SMG6: variants seen among roughly 807,000 people sequenced by gnomAD.
SMG6 encodes SMG6 nonsense mediated mRNA decay factor.
SMG6 carries 66 observed loss-of-function variants against 142.2 expected under a neutral mutation model. The ratio of observed to expected loss-of-function variants is 0.46; its 90% CI spans 0.38 to 0.57. The LOEUF (loss-of-function observed/expected upper bound fraction) is 0.57. Among genes scored for constraint, SMG6 ranks in the 20% least tolerant of loss-of-function variants. The probability of loss-of-function intolerance (pLI) is 0.00; values close to 1 mark genes in which losing one functional copy is unlikely to be tolerated. For synonymous variants in SMG6, 779 were observed against 702.4 expected, an observed-to-expected ratio of 1.11 and a Z score of -1.72; for missense variants, 1,793 against 1,832.0, an observed-to-expected ratio of 0.98 and a Z score of 0.39.
chr17:2,065,436 GT>G lies in SMG6; in HGVS notation c.4047+31del, dbSNP rs758002933. ...GGAGACCTTGTTCTGGAAGCTGGCT[GT>G]GGGCTTTCCCTTCCTGCCACAGGGT... On this transcript the variant is annotated intron_variant, in intron 17 of 18. Coordinates refer to ENST00000263073, the MANE Select transcript of SMG6 (RefSeq NM_017575.5). 6 of 1,595,336 alleles carry G rather than the reference GT, an allele frequency of 3.8e-6. No individual in the cohort carries two copies. The East Asian group carries it at 1.3e-4, about 36-fold the overall frequency.
intron 10 of SMG6, among the ~76,000 whole-genome samples, chr17:2,206,776 T>C (rs1191634395): frequency 6.6e-6 from 1 of 151,618 alleles, no homozygotes; most frequent in Non-Finnish European, 1.5e-5. Flanking sequence ...TAATCCCAGC[T>C]ACTTGGAAGG....
chr17:2,251,256 G>A (rs1486638329), intron 8 of SMG6, among the ~76,000 whole-genome samples: 2 of 151,110 alleles, frequency 1.3e-5, no homozygotes, highest in Admixed American at 6.6e-5. Flanking sequence ...CCTCTTTCCA[G>A]GATATACAGA....
At chr17:2,212,880 G>C (rs910982809) in intron 10 of SMG6, 3 of 152,304 alleles carry the variant, frequency 2.0e-5, no homozygotes, top group African/African-American at 7.2e-5. Flanking sequence ...CATGACTCCA[G>C]TGGAATCTGC....
chr17:2,282,802 G>A lies in SMG6; in HGVS notation c.2506C>T (p.Arg836Trp), dbSNP rs149940409. 12 of 1,613,984 alleles carry A rather than the reference G, an allele frequency of 7.4e-6. No individual in the cohort carries two copies. The highest frequency in any genetic ancestry group is 3.3e-5 in the South Asian group (3 of 91,086). The change falls in exon 8 of 19, where the codon CGG (arginine) becomes TGG (tryptophan). Residue 836 changes from arginine to tryptophan, a missense_variant. Physicochemically the swap from Arg to Trp is moderately radical, Grantham distance 101. Coordinates refer to ENST00000263073, the MANE Select transcript of SMG6 (RefSeq NM_017575.5). ...EEFDLSPDQWRKGKKSTFRHV... is the reference protein window; with the variant it reads ...EEFDLSPDQWWKGKKSTFRHV... Reference sequence around the variant, plus strand: ...CGGAAAGTAGACTTCTTTCCTTTCCGCCACTGGTCAGGGCTCAGGTCAAAT... The same window carrying A: ...CGGAAAGTAGACTTCTTTCCTTTCCACCACTGGTCAGGGCTCAGGTCAAAT...
intron 10 of SMG6, among the ~76,000 whole-genome samples, chr17:2,217,873 G>T (rs2073060647): frequency 6.6e-6 from 1 of 151,982 alleles, no homozygotes; most frequent in Non-Finnish European, 1.5e-5. Flanking sequence ...AGCCGGGTGT[G>T]GTGGCGCACA....
At chr17:2,288,792 G>A (rs1262310211) in intron 6 of SMG6, among the ~76,000 whole-genome samples, 1 of 150,980 alleles carries the variant, frequency 6.6e-6, no homozygotes. Flanking sequence ...TTAGCCAGGC[G>A]TGAGCAGCCA....
At position 2,300,424 on chromosome 17, in the gene SMG6, A is replaced by G; in HGVS notation, c.329T>C (p.Ile110Thr). 2 of 1,614,220 alleles carry G rather than the reference A, an allele frequency of 1.2e-6. No homozygotes were observed. The highest frequency in any genetic ancestry group is 8.5e-7 in the Non-Finnish European group (1 of 1,180,036). The change falls in exon 2 of 19, where the codon ATA becomes ACA. Residue 110 changes from isoleucine (I) to threonine (T), a missense_variant. Coordinates refer to ENST00000263073, the MANE Select transcript of SMG6 (RefSeq NM_017575.5). ...ELNNQEQNGP[I>T]DPENNRGQES... is the part of the protein sequence containing the mutation. ...TTGTCCCCGATTATTTTCTGGGTCTATAGGACCATTCTGCTCTTGGTTGTT... is the reference window on the plus strand; with the variant it reads ...TTGTCCCCGATTATTTTCTGGGTCTGTAGGACCATTCTGCTCTTGGTTGTT...
intron 13 of SMG6, among the ~76,000 whole-genome samples, chr17:2,161,280 T>C (rs932505029): frequency 4.6e-5 from 7 of 152,002 alleles, no homozygotes; most frequent in African/African-American, 1.7e-4. Context: ...AATTTTGTAC[T>C]TTTAGTAGAG....
intron 3 of SMG6, among the ~76,000 whole-genome samples, chr17:2,297,577 C>G (rs216199): frequency 6.6e-6 from 1 of 151,692 alleles, no homozygotes; most frequent in African/African-American, 2.4e-5. Flanking sequence ...CACACACACA[C>G]ACACACACAC....
At chr17:2,080,694 G>C (rs898610267) in intron 15 of SMG6, among the ~76,000 whole-genome samples, 1 of 150,858 alleles carries the variant, frequency 6.6e-6, no homozygotes, top group East Asian at 2.0e-4. Flanking sequence ...GGAGTGCAAT[G>C]GTGCAAGATT....
In SMG6 at chr17:2,292,851, C is replaced by T. The variant is rs376168482; in HGVS notation, c.2258+20G>A. The T allele has an allele frequency of 5.8e-5, 93 of 1,602,406 alleles. 1 individual carries two copies. The highest frequency in any genetic ancestry group is 8.3e-5 in the Admixed American group (5 of 59,974). ...AGAGCCACATAGGGAAGAGAAATAACGAAGCAGAGGTAAAAGTACCTGCGT... is the reference window on the plus strand; with the variant it reads ...AGAGCCACATAGGGAAGAGAAATAATGAAGCAGAGGTAAAAGTACCTGCGT... On this transcript the variant is annotated intron_variant, in intron 5 of 18. Transcript: ENST00000263073.
Position 2,061,249 on chromosome 17 carries a change from C to T in SMG6, c.*243G>A. 2.2e-6 allele frequency: 1 copy of T among 447,366 alleles called. No individual in the cohort carries two copies. Among genetic ancestry groups the T allele is most frequent in the South Asian group, 2.6e-5 (1 of 38,660 alleles). The allele number at this position is 447,366 out of a possible 1,614,324, so 27.7% of individuals were successfully genotyped here. A position where few individuals can be genotyped will look rare whatever the true frequency, so the allele number is the denominator to read the frequency against. On this transcript the variant is annotated 3_prime_UTR_variant, in exon 19 of 19. Coordinates refer to ENST00000263073, the MANE Select transcript of SMG6 (RefSeq NM_017575.5). ...CTTGCCCAGCTGCTGTTGCTGTAGC[C>T]AGCCACCTCCCTGCTAAATCCTGGC...
intron 8 of SMG6, among the ~76,000 whole-genome samples, chr17:2,258,974 A>C (rs1387480718): frequency 1.3e-5 from 2 of 151,638 alleles, no homozygotes; most frequent in Non-Finnish European, 2.9e-5. Flanking sequence ...GCTAGTTGGG[A>C]GGCTGAGGTA....
At chr17:2,179,453 C>T (rs771846315) in intron 12 of SMG6, among the ~76,000 whole-genome samples, 19 of 152,172 alleles carry the variant, frequency 1.2e-4, no homozygotes, top group Admixed American at 9.2e-4. Flanking sequence ...TTACTGCATA[C>T]GCCCTACGTA....
intron 12 of SMG6, among the ~76,000 whole-genome samples, chr17:2,184,372 A>G (rs1227433116): frequency 6.6e-6 from 1 of 151,050 alleles, no homozygotes; most frequent in Non-Finnish European, 1.5e-5. Context: ...GGAAAAAAAA[A>G]AAGGGCCAGA....
chr17:2,278,204 CTTTT>C (rs36078137), intron 8 of SMG6, among the ~76,000 whole-genome samples: 2 of 140,742 alleles, frequency 1.4e-5, no homozygotes, highest in Non-Finnish European at 1.6e-5. Context: ...TTTATATATA[CTTTT>C]TTTTTTTTTT....
chr17:2,229,789 T>C (rs1248552775), intron 10 of SMG6, among the ~76,000 whole-genome samples: 1 of 152,136 alleles, frequency 6.6e-6, no homozygotes, highest in African/African-American at 2.4e-5. Flanking sequence ...ACATACCTAC[T>C]TTCTCTGTGA....
At chr17:2,070,353 G>A (rs898620756) in intron 15 of SMG6, among the ~76,000 whole-genome samples, 3 of 152,348 alleles carry the variant, frequency 2.0e-5, no homozygotes, top group African/African-American at 7.2e-5. Flanking sequence ...TGAGTAGGGA[G>A]GTGGAGGGCA....
chr17:2,081,288 G>C (rs1045479163), intron 15 of SMG6, among the ~76,000 whole-genome samples: 2 of 152,196 alleles, frequency 1.3e-5, no homozygotes, highest in Admixed American at 6.5e-5. Context: ...CCGTGAGAGG[G>C]CTGATGGGGG....
Sources: gnomAD v4.1 joint callset for allele counts (sites outside exome capture counted in the v4.1 genomes callset) on GRCh38, gnomAD v4.1.1 for gene constraint, MANE v1.5 for transcripts, NCBI Gene and HGNC (gene_info 2026-07-23, HGNC 2026-07-21) for gene names.